ZNF248: variants seen among roughly 807,000 people sequenced by gnomAD.
The protein encoded by ZNF248 is zinc finger protein 248.
A neutral mutation model predicts 44.3 loss-of-function variants in ZNF248; 20 were observed. The ratio of observed to expected loss-of-function variants is 0.45; its 90% confidence interval spans 0.32 to 0.66. ZNF248 has a LOEUF of 0.66. ZNF248 is among the 30% of genes least tolerant of loss of function. The pLI, the probability that ZNF248 is intolerant of heterozygous loss-of-function variation, is 0.04. For synonymous variants in ZNF248, 224 were observed against 229.0 expected (o/e 0.98, Z 0.20); for missense variants, 654 against 677.0 (o/e 0.97, Z 0.38).
rs919774172 is a variant in ZNF248 at position 37,830,542 on chromosome 10, C to A, written c.*1073G>T. The A allele has an allele frequency of 4.1e-6, 4 of 985,202 alleles. No individual in the cohort carries two copies. The highest frequency in any genetic ancestry group is 4.8e-6 in the Non-Finnish European group (4 of 829,928). The allele number at this position is 985,202 out of a possible 1,614,324, so 61.0% of individuals were successfully genotyped here. A position where few individuals can be genotyped will look rare whatever the true frequency, so the allele number is the denominator to read the frequency against. ...GTGGTTCAGCTGTAAATGGCCATAG[C>A]CATTTATTTATGTCAGGAAATAGAA... On this transcript the variant is annotated 3_prime_UTR_variant, in exon 6 of 6. Transcript: ENST00000395867.
intron 6 of ZNF248, chr10:37,818,495 G>A (rs2052915049): frequency 4.5e-6 from 1 of 221,962 alleles, no homozygotes; most frequent in African/African-American, 2.3e-5. Context: ...TAAGCACCTG[G>A]TTCAGGTTTC....
intron 6 of ZNF248, chr10:37,820,167 G>C (rs2053220172): frequency 8.4e-7 from 1 of 1,191,938 alleles, no homozygotes. Flanking sequence ...TCTTAAGTCA[G>C]AATTCTTACT....
downstream of ZNF248, among the ~76,000 whole-genome samples, chr10:37,825,105 A>G (rs192601575): frequency 1.3e-5 from 2 of 152,264 alleles, no homozygotes; most frequent in African/African-American, 4.8e-5. Context: ...TGTTGTTCAT[A>G]AAGTGAAAAA....
Position 37,829,475 on chromosome 10 carries a change from A to C in ZNF248, c.*2140T>G. On this transcript the variant is annotated 3_prime_UTR_variant, in exon 6 of 6. Coordinates refer to ENST00000395867, the MANE Select transcript of ZNF248 (RefSeq NM_021045.3). ...AATAATTCTTCCCCCTAATTACCAT[A>C]TAGAACATTAACACTTAGAAAAATA... The C allele has an allele frequency of 1.0e-6, 1 of 985,382 alleles. No individual in the cohort carries two copies. Among genetic ancestry groups the C allele is most frequent in the Non-Finnish European group, 1.2e-6 (1 of 829,908 alleles). 61.0% of individuals were successfully genotyped at this position (985,382 alleles called of 1,614,324 possible).
chr10:37,775,244 A>AT (rs2046498218), downstream of ZNF248: 1 of 152,120 alleles, frequency 6.6e-6, no homozygotes, highest in East Asian at 1.9e-4. Flanking sequence ...ACTTTTCCCT[A>AT]TTTTAGATCT....
chr10:37,772,265 GAAA>G (rs36082673), downstream of ZNF248, among the ~76,000 whole-genome samples: 3 of 119,694 alleles, frequency 2.5e-5, no homozygotes, highest in African/African-American at 8.9e-5. Flanking sequence ...ACTGTCTCAA[GAAA>G]AAAAAAAAAA....
intron 5 of ZNF248, 36 bp downstream of exon 5, chr10:37,837,581 C>T (rs760517953): frequency 6.4e-7 from 1 of 1,553,418 alleles, no homozygotes; most frequent in Admixed American, 1.8e-5. Context: ...GTTCTAATTT[C>T]CTCTGGCTTT....
chr10:37,819,862 G>A, intron 6 of ZNF248: 1 of 785,568 alleles, frequency 1.3e-6, no homozygotes, highest in South Asian at 1.3e-5. Context: ...TTCCCTCTGT[G>A]AATTTATCCT....
downstream of ZNF248, among the ~76,000 whole-genome samples, chr10:37,825,718 G>C (rs1405094667): frequency 6.6e-6 from 1 of 152,122 alleles, no homozygotes; most frequent in Non-Finnish European, 1.5e-5. Context: ...TGGGATTAGA[G>C]GCATGAGCCA....
At chr10:37,819,267 G>T (rs1367668167) in intron 6 of ZNF248, 10 of 904,832 alleles carry the variant, frequency 1.1e-5, no homozygotes, top group East Asian at 2.4e-5. Flanking sequence ...TAGAAGTTTA[G>T]ATCATTTCCC....
intron 6 of ZNF248, among the ~76,000 whole-genome samples, chr10:37,816,752 T>C (rs1007994207): frequency 2.2e-4 from 34 of 152,274 alleles, no homozygotes; most frequent in Middle Eastern, 3.4e-3. Context: ...ATTTTATGAA[T>C]TGTTTTCCCC....
the ZNF248 span, among the ~76,000 whole-genome samples, chr10:37,759,655 T>G: frequency 6.6e-6 from 1 of 152,116 alleles, no homozygotes; most frequent in Non-Finnish European, 1.5e-5. Flanking sequence ...GCCTTTTTAG[T>G]AAAGATTAGT....
downstream of ZNF248, among the ~76,000 whole-genome samples, chr10:37,827,515 T>A (rs533745387): frequency 6.6e-6 from 1 of 152,308 alleles, no homozygotes; most frequent in Admixed American, 6.5e-5. Context: ...ACATTGGTTC[T>A]TTGTCATCTG....
At chr10:37,840,227 A>T (rs2058089102) in intron 3 of ZNF248, among the ~76,000 whole-genome samples, 1 of 152,240 alleles carries the variant, frequency 6.6e-6, no homozygotes, top group African/African-American at 2.4e-5. Flanking sequence ...AGATGCTTCT[A>T]CAAAAATGAA....
intron 6 of ZNF248, among the ~76,000 whole-genome samples, chr10:37,778,226 T>C (rs2046838506): frequency 1.3e-5 from 2 of 151,066 alleles, no homozygotes; most frequent in Non-Finnish European, 1.5e-5. Context: ...ATGATCGCCA[T>C]TCTAACTGGT....
At chr10:37,793,548 T>C (rs1368501931) in intron 6 of ZNF248, among the ~76,000 whole-genome samples, 2 of 152,168 alleles carry the variant, frequency 1.3e-5, no homozygotes. Flanking sequence ...TGTTGAAAGA[T>C]ATTAAGGCAA....
At chr10:37,810,795 T>G (rs745928700) in intron 6 of ZNF248, among the ~76,000 whole-genome samples, 2 of 152,184 alleles carry the variant, frequency 1.3e-5, no homozygotes, top group African/African-American at 2.4e-5. Flanking sequence ...AAGAGAAATG[T>G]TAACAGACGT....
chr10:37,836,798 ACACACACG>A (rs1373841322), intron 5 of ZNF248, among the ~76,000 whole-genome samples: 13 of 135,526 alleles, frequency 9.6e-5, no homozygotes, highest in African/African-American at 1.9e-4. Context: ...ACACACACAC[ACACACACG>A]CATTTTTTTG....
At chr10:37,833,636 C>T (rs2056460589) in intron 5 of ZNF248, among the ~76,000 whole-genome samples, 1 of 152,038 alleles carries the variant, frequency 6.6e-6, no homozygotes, top group Non-Finnish European at 1.5e-5. Context: ...TTTGAATCAG[C>T]AAGAAAATTA....
Sources: allele counts gnomAD v4.1 joint callset (sites outside exome capture counted in the v4.1 genomes callset), GRCh38; gene constraint gnomAD v4.1.1; transcripts MANE v1.5; gene names NCBI Gene and HGNC (gene_info 2026-07-23, HGNC 2026-07-21).